Variants in KALRN observed in about 807,000 individuals in gnomAD.
KALRN encodes kalirin.
In KALRN, 70 loss-of-function variants were observed where a neutral mutation model predicts 353.7. The observed-to-expected ratio is 0.20, with a 90% CI of 0.16 to 0.24. The LOEUF (loss-of-function observed/expected upper bound fraction) is 0.24, where lower values mean the gene tolerates loss of function less well. Among genes scored for constraint, KALRN ranks in the 10% least tolerant of loss-of-function variants. The pLI, the probability that KALRN is intolerant of heterozygous loss-of-function variation, is 1.00. For synonymous variants in KALRN, 1,391 were observed against 1,434.8 expected, an observed-to-expected ratio of 0.97 and a Z score of 0.69; for missense variants, 2,791 against 3,756.7, an observed-to-expected ratio of 0.74 and a Z score of 6.72.
intron 10 of KALRN, among the ~76,000 whole-genome samples, chr3:124,372,140 G>A (rs966742658): frequency 1.3e-5 from 2 of 151,994 alleles, no homozygotes; most frequent in Non-Finnish European, 2.9e-5. Context: ...CTTTTTTATG[G>A]CTGAATACTA....
At chr3:124,310,941 G>A (rs1240549662) in intron 6 of KALRN, among the ~76,000 whole-genome samples, 1 of 151,700 alleles carries the variant, frequency 6.6e-6, no homozygotes, top group Admixed American at 6.6e-5. Context: ...ATTAAAATGT[G>A]CAAAGGATTT....
intron 1 of KALRN, chr3:124,153,155 T>C (rs1260057222): frequency 6.4e-6 from 1 of 155,278 alleles, no homozygotes; most frequent in Non-Finnish European, 1.4e-5. Flanking sequence ...TTAGGGTACA[T>C]GTGCACAATG....
chr3:124,340,870 C>G (rs374473038), intron 9 of KALRN, among the ~76,000 whole-genome samples: 3 of 152,146 alleles, frequency 2.0e-5, no homozygotes, highest in Non-Finnish European at 2.9e-5. Context: ...GCAGGAGAAT[C>G]GCTTGAACCT....
chr3:124,622,031 A>G (rs553175046), intron 34 of KALRN, among the ~76,000 whole-genome samples: 141 of 152,350 alleles, frequency 9.3e-4, no homozygotes, highest in African/African-American at 3.3e-3. Flanking sequence ...TAATTTTTAT[A>G]TTAGCAAATT....
intron 33 of KALRN, among the ~76,000 whole-genome samples, chr3:124,545,281 C>T (rs989812188): frequency 1.3e-5 from 2 of 152,160 alleles, no homozygotes; most frequent in African/African-American, 2.4e-5. Flanking sequence ...ATATTGAGGT[C>T]TCTTATGTTC....
At chr3:124,716,450 G>A (rs1162740637) in intron 58 of KALRN, among the ~76,000 whole-genome samples, 1 of 152,230 alleles carries the variant, frequency 6.6e-6, no homozygotes, top group African/African-American at 2.4e-5. Context: ...CTTGAACCTG[G>A]GAGGCGGAGG....
intron 27 of KALRN, among the ~76,000 whole-genome samples, chr3:124,478,603 A>G (rs1165668089): frequency 6.6e-6 from 1 of 152,220 alleles, no homozygotes; most frequent in Admixed American, 6.5e-5. Flanking sequence ...TTGGAACCAC[A>G]GAAGAACCCA....
rs529729205 is a variant in KALRN at position 124,286,533 on chromosome 3, G to A, written c.970-12258G>A. Among the ~76,000 whole-genome samples the A allele has an allele frequency of 2.0e-5, 3 of 152,272 alleles. No homozygotes were observed. In the South Asian group the frequency reaches 6.2e-4, roughly 32 times the overall value. On this transcript the variant is annotated intron_variant, in intron 5 of 59. Coordinates refer to ENST00000682506, the MANE Select transcript of KALRN (RefSeq NM_001388419.1). The stretch of plus-strand genomic sequence containing the variant: ...CCCAAAGTGCTGGGATTACAGGCAT[G>A]AACCACTGCACCCTGCCCAGTGTGC...
intron 25 of KALRN, among the ~76,000 whole-genome samples, chr3:124,470,066 T>C (rs2060736646): frequency 6.6e-6 from 1 of 152,182 alleles, no homozygotes; most frequent in Admixed American, 6.5e-5. Flanking sequence ...AAAGGAAGCA[T>C]TTTCCTCATA....
chr3:124,261,199 T>G lies in KALRN; in HGVS notation c.264-3299T>G, dbSNP rs560598096. 2.0e-5 allele frequency among the ~76,000 whole-genome samples: 3 copies of G among 152,284 alleles called. No homozygotes were observed. The South Asian group carries it at 6.2e-4, about 32-fold the overall frequency. ...GCCAGCCTGAGCTTGGGTTTTCAAG[T>G]CAACAGTCCTGGTTTTGAATTTTCG... On this transcript the variant is annotated intron_variant, in intron 3 of 59. Coordinates refer to ENST00000682506, the MANE Select transcript of KALRN (RefSeq NM_001388419.1).
chr3:124,266,073 C>T (rs2073501813), intron 4 of KALRN, among the ~76,000 whole-genome samples: 2 of 152,140 alleles, frequency 1.3e-5, no homozygotes, highest in Admixed American at 1.3e-4. Context: ...TGAGATCGTA[C>T]TATTGCATTC....
intron 34 of KALRN, among the ~76,000 whole-genome samples, chr3:124,604,699 A>G (rs2077143522): frequency 1.3e-5 from 2 of 152,032 alleles, no homozygotes. Flanking sequence ...TTAACTAATT[A>G]TTTTAGAGAC....
chr3:124,165,837 C>T (rs1387801485), intron 1 of KALRN, among the ~76,000 whole-genome samples: 1 of 152,214 alleles, frequency 6.6e-6, no homozygotes, highest in African/African-American at 2.4e-5. Flanking sequence ...GCCTGTAAGG[C>T]CTCACATGAT....
Position 124,479,236 on chromosome 3 carries a change from A to T in KALRN, c.4191+1902A>T, listed in dbSNP as rs78254057. Reference sequence around the variant, plus strand: ...CTTTGATAAGTCAGATATATCCCCAAATTTCCCACCCTATACCCCGTTTCC... The same window carrying T: ...CTTTGATAAGTCAGATATATCCCCATATTTCCCACCCTATACCCCGTTTCC... On this transcript the variant is annotated intron_variant, in intron 27 of 59. Transcript: ENST00000682506. Among the ~76,000 whole-genome samples the T allele has an allele frequency of 2.6e-5, 4 of 152,098 alleles. No individual in the cohort carries two copies. The South Asian group carries it at 8.3e-4, about 32-fold the overall frequency.
At chr3:124,396,699 A>G (rs1055267619) in intron 12 of KALRN, among the ~76,000 whole-genome samples, 1 of 152,262 alleles carries the variant, frequency 6.6e-6, no homozygotes, top group Non-Finnish European at 1.5e-5. Flanking sequence ...CGGAGATGCC[A>G]CTTGTTCTTA....
chr3:124,142,827 C>T lies in KALRN; in HGVS notation c.74-85163C>T, dbSNP rs149812316. On this transcript the variant is annotated intron_variant, in intron 1 of 59. Coordinates refer to ENST00000682506, the MANE Select transcript of KALRN (RefSeq NM_001388419.1). ...ATAAATCATCACTGTTGCATAGCAA[C>T]GAGTTTGGTTTCCTTTACTCCTCCT... 1.1e-4 allele frequency among the ~76,000 whole-genome samples: 16 copies of T among 152,170 alleles called. No individual in the cohort carries two copies. The East Asian group carries it at 2.7e-3, about 26-fold the overall frequency.
chr3:124,452,941 A>C (rs968845846), intron 21 of KALRN, among the ~76,000 whole-genome samples: 4 of 152,216 alleles, frequency 2.6e-5, no homozygotes, highest in African/African-American at 9.6e-5. Flanking sequence ...AGAGCAGAGA[A>C]TATGTATTTC....
chr3:124,473,934 A>G (rs1244729551), intron 25 of KALRN, among the ~76,000 whole-genome samples: 2 of 152,198 alleles, frequency 1.3e-5, no homozygotes, highest in Non-Finnish European at 2.9e-5. Flanking sequence ...TACCATCCTA[A>G]TAAAGCATGC....
chr3:124,203,470 G>T (rs2076131869), intron 1 of KALRN, among the ~76,000 whole-genome samples: 1 of 152,200 alleles, frequency 6.6e-6, no homozygotes, highest in Non-Finnish European at 1.5e-5. Flanking sequence ...GACTACTGGT[G>T]CTGTGATTAG....
Sources: allele counts gnomAD v4.1 joint callset (sites outside exome capture counted in the v4.1 genomes callset), GRCh38; gene constraint gnomAD v4.1.1; transcripts MANE v1.5; gene names NCBI Gene and HGNC (gene_info 2026-07-23, HGNC 2026-07-21).